RMDN2: variants seen among roughly 807,000 people sequenced by gnomAD.
RMDN2 encodes regulator of microtubule dynamics protein 2.
A neutral mutation model predicts 52.8 loss-of-function variants in RMDN2; 61 were observed. That is an observed-to-expected ratio of 1.16 (90% CI 0.94 to 1.43). The LOEUF is 1.43. RMDN2 is among the 40% of genes most tolerant of loss of function. RMDN2 has a pLI of 0.00. For missense variants in RMDN2, 592 were observed against 475.3 expected (o/e 1.25, Z -2.28); for synonymous variants, 180 against 153.1 (o/e 1.18, Z -1.30).
intron 2 of RMDN2, among the ~76,000 whole-genome samples, chr2:37,930,177 A>T (rs1666610858): frequency 6.6e-6 from 1 of 152,202 alleles, no homozygotes; most frequent in Non-Finnish European, 1.5e-5. Flanking sequence ...AATGCAACTG[A>T]GGAACTGAAT....
chr2:37,956,955 T>G (rs939035721), intron 2 of RMDN2, among the ~76,000 whole-genome samples: 6 of 152,198 alleles, frequency 3.9e-5, no homozygotes, highest in Admixed American at 3.3e-4. Context: ...GGTTTCCAGC[T>G]TCATCCATGT....
chr2:38,039,089 C>CAG (rs1339806273), intron 10 of RMDN2, among the ~76,000 whole-genome samples: 5 of 111,282 alleles, frequency 4.5e-5, no homozygotes, highest in African/African-American at 1.4e-4. Context: ...CACACACACA[C>CAG]ACACAGAGAG....
chr2:37,991,284 G>C lies in RMDN2; in HGVS notation c.932G>C (p.Arg311Thr). ...CCCTTTCTATATTACCTCAAAGGGA[G>C]ATACTGCTATACTGTAAGTTGAATG... ...EEPFLYYLKG[R>T]YCYTVSKLSW... The change falls in exon 7 of 11, where the codon AGA (arginine) becomes ACA (threonine). Residue 311 changes from arginine (R) to threonine (T), a missense_variant. Coordinates refer to ENST00000354545, the MANE Select transcript of RMDN2 (RefSeq NM_001170791.3). 6.4e-7 allele frequency: 1 copy of C among 1,560,566 alleles called. No individual in the cohort carries two copies.
intron 10 of RMDN2, among the ~76,000 whole-genome samples, chr2:38,015,201 C>T (rs1345495813): frequency 6.6e-6 from 1 of 152,160 alleles, no homozygotes; most frequent in Non-Finnish European, 1.5e-5. Context: ...GCTTAGTGCT[C>T]AGATGGCCCC....
In RMDN2 at chr2:37,930,294, G is replaced by A. The variant is rs7569371; in HGVS notation, c.452+565G>A. On this transcript the variant is annotated intron_variant, in intron 2 of 10. Coordinates refer to ENST00000354545, the MANE Select transcript of RMDN2 (RefSeq NM_001170791.3). ...TTTTAGTGCAGGTCAAAAAAGACTTGAGAGTATATAGGTGACTCTGTCTCA... is the reference window on the plus strand; with the variant it reads ...TTTTAGTGCAGGTCAAAAAAGACTTAAGAGTATATAGGTGACTCTGTCTCA... 6.2e-3 allele frequency among the ~76,000 whole-genome samples: 948 copies of A among 152,346 alleles called. 12 individuals are homozygous for A. The highest frequency in any genetic ancestry group is 0.021 in the African/African-American group (887 of 41,580).
chr2:37,986,584 C>G (rs753182299), intron 5 of RMDN2, among the ~76,000 whole-genome samples: 1 of 151,934 alleles, frequency 6.6e-6, no homozygotes, highest in Non-Finnish European at 1.5e-5. Context: ...AATTATATAA[C>G]CAAGTGAGAT....
chr2:38,023,207 A>C lies in RMDN2; in HGVS notation c.1713+18991A>C, dbSNP rs1679525574. On this transcript the variant is annotated intron_variant, in intron 10 of 10. Transcript: ENST00000234195. ...CTAACACCATGAGCAAAAGATTTGG[A>C]GTTGGGCAGACTGCTCCAGAGTCCA... Among the ~76,000 whole-genome samples the C allele has an allele frequency of 2.0e-5, 3 of 152,214 alleles. No individual in the cohort carries two copies. The East Asian group carries it at 5.8e-4, about 29-fold the overall frequency.
At chr2:37,959,431 T>G (rs1355695471) in intron 2 of RMDN2, among the ~76,000 whole-genome samples, 1 of 151,118 alleles carries the variant, frequency 6.6e-6, no homozygotes, top group Non-Finnish European at 1.5e-5. Flanking sequence ...TTTTCTAGTT[T>G]ATTTGCATAG....
At chr2:38,025,351 A>T (rs1165556022) in intron 10 of RMDN2, among the ~76,000 whole-genome samples, 1 of 152,048 alleles carries the variant, frequency 6.6e-6, no homozygotes, top group East Asian at 1.9e-4. Context: ...AGCCTCTTTA[A>T]ACTCACTTAT....
intron 2 of RMDN2, chr2:37,949,786 G>A (rs1240866857): frequency 6.6e-6 from 1 of 152,052 alleles, no homozygotes; most frequent in African/African-American, 2.4e-5. Flanking sequence ...TCATGTCATA[G>A]GTAAGTATAC....
At chr2:38,041,298 T>C (rs974509044) in intron 10 of RMDN2, among the ~76,000 whole-genome samples, 3 of 152,206 alleles carry the variant, frequency 2.0e-5, no homozygotes, top group African/African-American at 7.2e-5. Context: ...TGTTCCTCCT[T>C]GATTTTTTCC....
At chr2:37,952,107 A>G in intron 2 of RMDN2, 1 of 1,613,222 alleles carries the variant, frequency 6.2e-7, no homozygotes, top group Non-Finnish European at 8.5e-7. Flanking sequence ...CCCACCTCAA[A>G]GCGAATTAAC....
At chr2:37,964,667 G>A (rs1287082391) in intron 2 of RMDN2, among the ~76,000 whole-genome samples, 8 of 152,028 alleles carry the variant, frequency 5.3e-5, no homozygotes, top group African/African-American at 1.9e-4. Context: ...TTTTTGGGTG[G>A]CATGGTCTAT....
intron 10 of RMDN2, among the ~76,000 whole-genome samples, chr2:38,040,957 T>C (rs1010190315): frequency 2.0e-5 from 3 of 152,236 alleles, no homozygotes; most frequent in African/African-American, 7.2e-5. Flanking sequence ...TTTACCTAGG[T>C]ATTTCATTTT....
At chr2:37,997,997 A>G (rs187763844) in intron 8 of RMDN2, 76 of 169,492 alleles carry the variant, frequency 4.5e-4, no homozygotes, top group Admixed American at 3.0e-3. Context: ...TTCTTGGGGT[A>G]TCAGACCAAA....
intron 2 of RMDN2, among the ~76,000 whole-genome samples, chr2:37,941,655 C>T (rs1345957129): frequency 1.3e-5 from 2 of 152,152 alleles, no homozygotes; most frequent in African/African-American, 2.4e-5. Context: ...GCGGTGGGCT[C>T]CACTCAGTCT....
chr2:37,924,817 T>C (rs1228950419), upstream of RMDN2, among the ~76,000 whole-genome samples: 3 of 152,180 alleles, frequency 2.0e-5, no homozygotes, highest in Non-Finnish European at 4.4e-5. Flanking sequence ...GCTGTCAAAA[T>C]TGCTCATTAA....
At chr2:37,921,566 G>C (rs1666032534), upstream of RMDN2, among the ~76,000 whole-genome samples, 1 of 152,220 alleles carries the variant, frequency 6.6e-6, no homozygotes, top group African/African-American at 2.4e-5. Flanking sequence ...AACAGAAGCA[G>C]TGAAAGCTGA....
chr2:38,032,000 GA>G (rs1403795020), intron 10 of RMDN2, among the ~76,000 whole-genome samples: 1 of 151,822 alleles, frequency 6.6e-6, no homozygotes, highest in African/African-American at 2.4e-5. Context: ...TTCTAAAAAA[GA>G]AAAAAAGTGA....
Sources: gnomAD v4.1 joint callset for allele counts (sites outside exome capture counted in the v4.1 genomes callset) on GRCh38, gnomAD v4.1.1 for gene constraint, MANE v1.5 for transcripts, NCBI Gene and HGNC (gene_info 2026-07-23, HGNC 2026-07-21) for gene names.